The following ZNF385D variants were observed in gnomAD, a reference collection of about 807,000 sequenced individuals.
The protein encoded by ZNF385D is zinc finger protein 659.
Under a neutral mutation model 35.8 loss-of-function variants are expected in ZNF385D, and 15 were observed. That is an observed-to-expected ratio of 0.42 (90% CI 0.28 to 0.64). The LOEUF (loss-of-function observed/expected upper bound fraction) is 0.64. ZNF385D is among the 30% of genes least tolerant of loss of function. The pLI, the probability that ZNF385D is intolerant of heterozygous loss-of-function variation, is 0.23. For synonymous variants in ZNF385D, 212 were observed against 186.8 expected, an observed-to-expected ratio of 1.13 and a Z score of -1.10; for missense variants, 474 against 494.6, an observed-to-expected ratio of 0.96 and a Z score of 0.39.
At chr3:21,506,225 A>G (rs1371813255) in intron 4 of ZNF385D, among the ~76,000 whole-genome samples, 2 of 149,070 alleles carry the variant, frequency 1.3e-5, no homozygotes, top group African/African-American at 4.9e-5. Context: ...TCAGTCCACT[A>G]AAAAGCTCTA....
At chr3:21,753,494 G>A (rs1264271243), upstream of ZNF385D, among the ~76,000 whole-genome samples, 1 of 152,132 alleles carries the variant, frequency 6.6e-6, no homozygotes, top group Non-Finnish European at 1.5e-5. Context: ...TGTAGCCTTT[G>A]AAAGAATATG....
rs1304758791 is a variant in ZNF385D at position 21,612,986 on chromosome 3, CTTTTTTCT to C, written c.166-48310_166-48303del. ...AACATCTTCATGCAACATCTTTTTTCTTTTTTCTTTTTTTTTTTTTTTCAAAACCAGGG... is the reference window on the plus strand; with the variant it reads ...AACATCTTCATGCAACATCTTTTTTCTTTTTTTTTTTTTTCAAAACCAGGG... On this transcript the variant is annotated intron_variant, in intron 2 of 7. Transcript: ENST00000281523. Among the ~76,000 whole-genome samples, 8 of 116,966 alleles carry C rather than the reference CTTTTTTCT, an allele frequency of 6.8e-5. No homozygotes were observed. The East Asian group carries it at 8.8e-4, about 13-fold the overall frequency. The allele number at this position is 116,966 out of a possible 152,430, so 76.7% of individuals were successfully genotyped here. A position where few individuals can be genotyped will look rare whatever the true frequency, so the allele number is the denominator to read the frequency against.
intron 2 of ZNF385D, among the ~76,000 whole-genome samples, chr3:22,351,783 T>C (rs1234370678): frequency 6.6e-6 from 1 of 152,180 alleles, no homozygotes; most frequent in Non-Finnish European, 1.5e-5. Context: ...ACAAAATTCA[T>C]AATCCAGAGA....
chr3:21,573,861 A>T (rs2063409142), intron 2 of ZNF385D, among the ~76,000 whole-genome samples: 1 of 151,746 alleles, frequency 6.6e-6, no homozygotes, highest in African/African-American at 2.4e-5. Context: ...GGAATTCAAG[A>T]CAAGCCTGGC....
chr3:22,333,373 T>G (rs1026066175), intron 2 of ZNF385D, among the ~76,000 whole-genome samples: 1 of 152,216 alleles, frequency 6.6e-6, no homozygotes, highest in Non-Finnish European at 1.5e-5. Context: ...TATTTCACCG[T>G]ACTCTTTTTC....
At chr3:21,843,420 A>C (rs1485280403) in intron 3 of ZNF385D, among the ~76,000 whole-genome samples, 4 of 151,970 alleles carry the variant, frequency 2.6e-5, no homozygotes, top group Non-Finnish European at 4.4e-5. Flanking sequence ...CCTAAGAGAA[A>C]TGCGAGCCTG....
intron 3 of ZNF385D, among the ~76,000 whole-genome samples, chr3:21,780,032 C>T (rs188204883): frequency 1.3e-5 from 2 of 152,006 alleles, no homozygotes; most frequent in Non-Finnish European, 1.5e-5. Flanking sequence ...TATTGTGTTA[C>T]ATGAAAGTGA....
intron 4 of ZNF385D, among the ~76,000 whole-genome samples, chr3:21,504,612 C>T (rs1300920880): frequency 6.6e-6 from 1 of 152,092 alleles, no homozygotes; most frequent in African/African-American, 2.4e-5. Context: ...AGAAAACTTC[C>T]CTTTAGCAAG....
At chr3:21,848,843 A>T (rs879818604) in intron 3 of ZNF385D, among the ~76,000 whole-genome samples, 2 of 152,080 alleles carry the variant, frequency 1.3e-5, no homozygotes, top group African/African-American at 4.8e-5. Context: ...CTCGTCTTAC[A>T]TAGACTCTAA....
rs370120093 is a variant in ZNF385D, at chr3:21,567,883, A to G, written c.166-3199T>C. Among the ~76,000 whole-genome samples, 24 of 152,224 alleles carry G rather than the reference A, an allele frequency of 1.6e-4. No individual in the cohort carries two copies. The East Asian group carries it at 3.3e-3, about 21-fold the overall frequency. On this transcript the variant is annotated intron_variant, in intron 2 of 7. Coordinates refer to ENST00000281523, the MANE Select transcript of ZNF385D (RefSeq NM_024697.3). ...GGAGGCAGTGACCACATTCAATCCA[A>G]ATTTGTAGAGGAGGTATTTTGGGAC...
chr3:22,237,146 A>G (rs1237086624), intron 2 of ZNF385D, among the ~76,000 whole-genome samples: 1 of 152,078 alleles, frequency 6.6e-6, no homozygotes, highest in Non-Finnish European at 1.5e-5. Context: ...CACCAGCAAC[A>G]TGTGGGGGTT....
chr3:22,357,388 A>C (rs536470608), intron 2 of ZNF385D, among the ~76,000 whole-genome samples: 4 of 152,010 alleles, frequency 2.6e-5, no homozygotes, highest in East Asian at 1.9e-4. Context: ...CTTATAATCA[A>C]GCAAATACTT....
At chr3:21,569,580 T>C (rs2125669920) in intron 2 of ZNF385D, among the ~76,000 whole-genome samples, 1 of 151,202 alleles carries the variant, frequency 6.6e-6, no homozygotes, top group African/African-American at 2.4e-5. Flanking sequence ...TTAATATTGT[T>C]ACGTGTGAAT....
chr3:21,988,426 C>A (rs1484457819), intron 3 of ZNF385D, among the ~76,000 whole-genome samples: 3 of 131,264 alleles, frequency 2.3e-5, no homozygotes, highest in Non-Finnish European at 3.4e-5. Flanking sequence ...GAATACCCTG[C>A]CGTGTGAGGT....
chr3:21,427,694 A>C (rs576048688), intron 5 of ZNF385D, among the ~76,000 whole-genome samples: 1 of 152,312 alleles, frequency 6.6e-6, no homozygotes, highest in Admixed American at 6.5e-5. Context: ...GCTAAGACCC[A>C]TCTATGTCAT....
intron 2 of ZNF385D, among the ~76,000 whole-genome samples, chr3:22,207,019 AAAAT>A (rs1174558957): frequency 3.9e-5 from 6 of 151,908 alleles, no homozygotes; most frequent in Non-Finnish European, 5.9e-5. Flanking sequence ...ATATTAACTA[AAAAT>A]AAATAAATAA....
At chr3:21,731,522 T>C (rs1033158949) in intron 1 of ZNF385D, among the ~76,000 whole-genome samples, 64 of 152,316 alleles carry the variant, frequency 4.2e-4, no homozygotes, top group African/African-American at 1.5e-3. Context: ...CCAGAGTTTA[T>C]GGAGTACGTT....
At chr3:21,767,502 T>TA (rs1286428982) in intron 3 of ZNF385D, among the ~76,000 whole-genome samples, 1 of 152,100 alleles carries the variant, frequency 6.6e-6, no homozygotes, top group Non-Finnish European at 1.5e-5. Context: ...ATTGACTCCA[T>TA]ACTTGCCAGT....
At chr3:22,296,902 A>T (rs941480520) in intron 2 of ZNF385D, among the ~76,000 whole-genome samples, 1 of 152,078 alleles carries the variant, frequency 6.6e-6, no homozygotes, top group African/African-American at 2.4e-5. Flanking sequence ...GCCAGACTTA[A>T]GGAGAAGAGA....
Sources: gnomAD v4.1 joint callset for allele counts (sites outside exome capture counted in the v4.1 genomes callset) on GRCh38, gnomAD v4.1.1 for gene constraint, MANE v1.5 for transcripts, NCBI Gene and HGNC (gene_info 2026-07-23, HGNC 2026-07-21) for gene names.